Variants in RSU1 observed in about 807,000 individuals in gnomAD.
RSU1 encodes Ras suppressor protein 1.
A neutral mutation model predicts 31.1 loss-of-function variants in RSU1; 26 were observed. That is an observed-to-expected ratio of 0.84 (90% confidence interval 0.61 to 1.16). The LOEUF (loss-of-function observed/expected upper bound fraction) is 1.16, where lower values mean the gene tolerates loss of function less well. RSU1 is among the 50% of genes most tolerant of loss of function. The probability of loss-of-function intolerance (pLI) is 0.00; values close to 1 mark genes in which losing one functional copy is unlikely to be tolerated. For missense variants in RSU1, 320 were observed against 339.1 expected (o/e 0.94, Z 0.44); for synonymous variants, 164 against 136.3 (o/e 1.20, Z -1.41).
chr10:16,708,380 G>C (rs1473040438), intron 7 of RSU1, among the ~76,000 whole-genome samples: 3 of 152,096 alleles, frequency 2.0e-5, no homozygotes, highest in Non-Finnish European at 4.4e-5. Flanking sequence ...CTGGTGAGTA[G>C]GCTTCCTGTT....
chr10:16,808,448 A>G (rs1838324024), intron 2 of RSU1, among the ~76,000 whole-genome samples: 1 of 146,590 alleles, frequency 6.8e-6, no homozygotes, highest in Non-Finnish European at 1.5e-5. Context: ...ATGCCACTGC[A>G]CTCTAGCCTG....
intron 8 of RSU1, among the ~76,000 whole-genome samples, chr10:16,635,988 G>A (rs1281562044): frequency 2.6e-5 from 4 of 152,126 alleles, no homozygotes; most frequent in African/African-American, 7.2e-5. Flanking sequence ...GCGCCCTCTC[G>A]GTTTTCTTCA....
rs1833920820 is a variant in RSU1 at position 16,613,083 on chromosome 10, A to C, written c.732-19587T>G. 3.3e-5 allele frequency among the ~76,000 whole-genome samples: 5 copies of C among 152,182 alleles called. No homozygotes were observed. The South Asian group carries it at 1.0e-3, about 32-fold the overall frequency. ...CCAGAATAATGTTTCCAAAATCATC[A>C]TCGCCTCTCCCCCAGCTCTCACTTG... On this transcript the variant is annotated intron_variant, in intron 8 of 8. Transcript: ENST00000345264.
intron 7 of RSU1, among the ~76,000 whole-genome samples, chr10:16,716,161 A>C (rs1021317233): frequency 1.1e-4 from 16 of 152,192 alleles, no homozygotes; most frequent in African/African-American, 3.6e-4. Flanking sequence ...TCTCAGAAAA[A>C]GTTCAAATGT....
chr10:16,630,848 T>C (rs1834234135), intron 8 of RSU1, among the ~76,000 whole-genome samples: 1 of 152,196 alleles, frequency 6.6e-6, no homozygotes, highest in South Asian at 2.1e-4. Flanking sequence ...TCAATGCCAG[T>C]CTTTTTGCTT....
intron 8 of RSU1, among the ~76,000 whole-genome samples, chr10:16,613,495 T>C (rs1335666194): frequency 6.6e-6 from 1 of 152,212 alleles, no homozygotes; most frequent in Non-Finnish European, 1.5e-5. Context: ...CATCTGAGCC[T>C]GGGCATCTTT....
intron 2 of RSU1, among the ~76,000 whole-genome samples, chr10:16,805,276 A>T (rs1838242252): frequency 6.6e-6 from 1 of 152,188 alleles, no homozygotes; most frequent in Non-Finnish European, 1.5e-5. Context: ...ACACCAATGC[A>T]AGATGTTAAT....
chr10:16,648,732 A>C (rs1310204617), intron 8 of RSU1, among the ~76,000 whole-genome samples: 1 of 152,158 alleles, frequency 6.6e-6, no homozygotes, highest in Non-Finnish European at 1.5e-5. Flanking sequence ...TTTAGAACAA[A>C]GAGCTGCCAG....
At chr10:16,654,637 C>G (rs919656111) in intron 8 of RSU1, among the ~76,000 whole-genome samples, 6 of 150,762 alleles carry the variant, frequency 4.0e-5, no homozygotes, top group Non-Finnish European at 4.4e-5. Flanking sequence ...CCACTGTATT[C>G]CAGCCTGAGT....
intron 8 of RSU1, among the ~76,000 whole-genome samples, chr10:16,665,145 T>A (rs1834964646): frequency 6.6e-6 from 1 of 152,266 alleles, no homozygotes; most frequent in South Asian, 2.1e-4. Context: ...GGTTTCGTCA[T>A]GTTGGCCAGG....
At chr10:16,803,463 T>C (rs1241051072) in intron 2 of RSU1, among the ~76,000 whole-genome samples, 1 of 152,176 alleles carries the variant, frequency 6.6e-6, no homozygotes, top group African/African-American at 2.4e-5. Flanking sequence ...CCAGTCAAAA[T>C]ACCAGCAAGT....
chr10:16,721,168 T>G (rs1489740120), intron 7 of RSU1, among the ~76,000 whole-genome samples: 1 of 152,160 alleles, frequency 6.6e-6, no homozygotes, highest in Admixed American at 6.5e-5. Context: ...AAAGAGCTCA[T>G]GAGAACACCA....
At chr10:16,609,800 C>A (rs1015377995) in intron 8 of RSU1, among the ~76,000 whole-genome samples, 1 of 152,220 alleles carries the variant, frequency 6.6e-6, no homozygotes. Context: ...TATTTGCTCA[C>A]TGAATACCTC....
chr10:16,740,135 A>G (rs915320096), intron 7 of RSU1, among the ~76,000 whole-genome samples: 4 of 152,200 alleles, frequency 2.6e-5, no homozygotes, highest in African/African-American at 9.6e-5. Flanking sequence ...AACAAAAACT[A>G]TACAAAGATA....
At chr10:16,724,367 C>G (rs1307965311) in intron 7 of RSU1, among the ~76,000 whole-genome samples, 1 of 152,152 alleles carries the variant, frequency 6.6e-6, no homozygotes, top group African/African-American at 2.4e-5. Context: ...GGTTATTACT[C>G]CAACACCACA....
At chr10:16,631,555 C>T (rs1454261041) in intron 8 of RSU1, among the ~76,000 whole-genome samples, 3 of 152,326 alleles carry the variant, frequency 2.0e-5, no homozygotes. Context: ...AACTGGGCCA[C>T]CACGACTTAA....
chr10:16,669,606 G>C (rs748373279), intron 8 of RSU1, among the ~76,000 whole-genome samples: 12 of 152,078 alleles, frequency 7.9e-5, no homozygotes, highest in Non-Finnish European at 1.5e-4. Context: ...TTTTATGTGT[G>C]TGTGTTGTTC....
At chr10:16,638,242 C>A (rs1011587078) in intron 8 of RSU1, among the ~76,000 whole-genome samples, 1 of 144,514 alleles carries the variant, frequency 6.9e-6, no homozygotes, top group East Asian at 1.9e-4. Context: ...TGATGTACAA[C>A]TGCATATCAG....
At position 16,673,782 on chromosome 10, in the gene RSU1, T is replaced by C. The variant is rs912721771; in HGVS notation, c.731+21241A>G. 2.0e-5 allele frequency among the ~76,000 whole-genome samples: 3 copies of C among 152,232 alleles called. No homozygotes were observed. In the East Asian group the frequency reaches 5.8e-4, roughly 29 times the overall value. On this transcript the variant is annotated intron_variant, in intron 8 of 8. Coordinates refer to ENST00000345264, the MANE Select transcript of RSU1 (RefSeq NM_012425.4). ...TGCGTGATGACTGAGGGACTCTTTA[T>C]GCTCGCTTCTGCCTAGGTCCTTAGG...
Sources: gnomAD v4.1 joint callset for allele counts (sites outside exome capture counted in the v4.1 genomes callset) on GRCh38, gnomAD v4.1.1 for gene constraint, MANE v1.5 for transcripts, NCBI Gene and HGNC (gene_info 2026-07-23, HGNC 2026-07-21) for gene names.